The following TP63 variants were observed in gnomAD, a reference collection of about 807,000 sequenced individuals.
TP63 encodes the protein tumor protein p63.
A neutral mutation model predicts 82.8 loss-of-function variants in TP63; 17 were observed. That is an observed-to-expected ratio of 0.21 (90% confidence interval 0.14 to 0.31). The LOEUF is 0.31. Among genes scored for constraint, TP63 ranks in the 10% least tolerant of loss-of-function variants. The probability of loss-of-function intolerance (pLI) is 1.00; values close to 1 mark genes in which losing one functional copy is unlikely to be tolerated. For synonymous variants in TP63, 330 were observed against 321.7 expected (o/e 1.03, Z -0.28); for missense variants, 648 against 895.3 (o/e 0.72, Z 3.52).
intron 3 of TP63, among the ~76,000 whole-genome samples, chr3:189,795,517 G>A (rs935134342): frequency 2.0e-4 from 31 of 151,976 alleles, no homozygotes; most frequent in Non-Finnish European, 4.3e-4. Flanking sequence ...CAGATGTGGC[G>A]TGAGGGGAGG....
chr3:189,603,889 A>G, the TP63 span, among the ~76,000 whole-genome samples: 1 of 152,124 alleles, frequency 6.6e-6, no homozygotes, highest in African/African-American at 2.4e-5. Context: ...AAAAGAAAAG[A>G]AGAGAAAAGG....
At chr3:189,639,929 A>T (rs1437753508) in intron 1 of TP63, among the ~76,000 whole-genome samples, 4 of 152,142 alleles carry the variant, frequency 2.6e-5, no homozygotes, top group African/African-American at 9.7e-5. Context: ...TTAACCCTCC[A>T]TCAAATGCTG....
chr3:189,860,674 G>A (rs1383221510), intron 4 of TP63, among the ~76,000 whole-genome samples: 1 of 152,178 alleles, frequency 6.6e-6, no homozygotes, highest in South Asian at 2.1e-4. Flanking sequence ...AGTCAAATAT[G>A]AAGCCCTCAC....
chr3:189,799,067 C>G (rs1414141606), intron 3 of TP63, among the ~76,000 whole-genome samples: 1 of 152,054 alleles, frequency 6.6e-6, no homozygotes, highest in African/African-American at 2.4e-5. Flanking sequence ...TATAGTCTAA[C>G]AAGATTGAGT....
intron 4 of TP63, among the ~76,000 whole-genome samples, chr3:189,827,720 G>T (rs1373962444): frequency 1.3e-5 from 2 of 152,198 alleles, no homozygotes; most frequent in African/African-American, 4.8e-5. Context: ...AACAGGAGTA[G>T]CAGGAAATGA....
chr3:189,864,524 A>G, intron 5 of TP63, 106 bp downstream of exon 5: 2 of 511,630 alleles, frequency 3.9e-6, no homozygotes, highest in Non-Finnish European at 6.4e-6. Context: ...CTGCACTCCG[A>G]TGGCAGATCA....
At chr3:189,836,156 T>A (rs1713122728) in intron 4 of TP63, among the ~76,000 whole-genome samples, 1 of 152,148 alleles carries the variant, frequency 6.6e-6, no homozygotes, top group Non-Finnish European at 1.5e-5. Context: ...AGGAAACTGT[T>A]AATTTTGGAA....
intron 1 of TP63, among the ~76,000 whole-genome samples, chr3:189,722,843 T>C (rs1719497210): frequency 6.6e-6 from 1 of 152,276 alleles, no homozygotes; most frequent in African/African-American, 2.4e-5. Context: ...GACATCACAG[T>C]GAATAAGACT....
chr3:189,631,683 G>A (rs35957279), intron 1 of TP63, 106 bp downstream of exon 1: 6 of 1,597,630 alleles, frequency 3.8e-6, no homozygotes, highest in South Asian at 1.1e-5. Context: ...TGTTTAGTCA[G>A]CACAGTGATA....
intron 3 of TP63, among the ~76,000 whole-genome samples, chr3:189,756,282 C>A (rs994993831): frequency 6.6e-6 from 1 of 151,966 alleles, no homozygotes; most frequent in Non-Finnish European, 1.5e-5. Flanking sequence ...TAGCAAAAAT[C>A]CTCTAATTTT....
chr3:189,700,497 G>C (rs1717721239), intron 1 of TP63, among the ~76,000 whole-genome samples: 1 of 152,132 alleles, frequency 6.6e-6, no homozygotes, highest in Non-Finnish European at 1.5e-5. Context: ...ACATGAAGAA[G>C]GGAAATAAAG....
At chr3:189,697,362 G>C (rs916515303) in intron 1 of TP63, among the ~76,000 whole-genome samples, 1 of 150,992 alleles carries the variant, frequency 6.6e-6, no homozygotes, top group African/African-American at 2.4e-5. Flanking sequence ...TATTTGTATG[G>C]GTCTGTATAT....
At chr3:189,639,277 G>C (rs1208720502) in intron 1 of TP63, among the ~76,000 whole-genome samples, 1 of 152,096 alleles carries the variant, frequency 6.6e-6, no homozygotes, top group East Asian at 1.9e-4. Flanking sequence ...CATTAAAATA[G>C]AATGAGAAAT....
At chr3:189,625,874 T>C in the TP63 span, among the ~76,000 whole-genome samples, 2 of 152,200 alleles carry the variant, frequency 1.3e-5, no homozygotes, top group South Asian at 2.1e-4. Flanking sequence ...GGTGTGACTT[T>C]GGAGGGTATC....
At chr3:189,741,329 T>C (rs1262514067) in intron 3 of TP63, among the ~76,000 whole-genome samples, 2 of 152,076 alleles carry the variant, frequency 1.3e-5, no homozygotes, top group African/African-American at 2.4e-5. Flanking sequence ...AAAAATGGAG[T>C]TGGATAACAA....
At chr3:189,772,250 T>C (rs1179051673) in intron 3 of TP63, among the ~76,000 whole-genome samples, 2 of 152,244 alleles carry the variant, frequency 1.3e-5, no homozygotes, top group Admixed American at 6.5e-5. Flanking sequence ...CTGCTCAAAC[T>C]GGCTTTAGAG....
At chr3:189,642,187 A>G (rs987852493) in intron 1 of TP63, among the ~76,000 whole-genome samples, 4 of 152,170 alleles carry the variant, frequency 2.6e-5, no homozygotes, top group Non-Finnish European at 4.4e-5. Context: ...ATGTAAGATG[A>G]TATGTGGTTT....
chr3:189,890,710 T>A, intron 12 of TP63, 79 bp from the exon 13 acceptor site: 1 of 1,369,816 alleles, frequency 7.3e-7, no homozygotes, highest in Non-Finnish European at 1.0e-6. Context: ...TATATTGGGT[T>A]TTCCCTTATC....
chr3:189,856,436 G>GA (rs148316150), intron 4 of TP63, among the ~76,000 whole-genome samples: 3,791 of 151,576 alleles, frequency 0.025, 157 homozygotes, highest in African/African-American at 0.087. Context: ...GTTTATATTA[G>GA]AAAAAAACGT....
Sources: allele counts gnomAD v4.1 joint callset (sites outside exome capture counted in the v4.1 genomes callset), GRCh38; gene constraint gnomAD v4.1.1; transcripts MANE v1.5; gene names NCBI Gene and HGNC (gene_info 2026-07-23, HGNC 2026-07-21).